Variants in EVI5 observed in about 807,000 individuals in gnomAD.
EVI5 encodes ecotropic viral integration site 5.
In EVI5, 73 loss-of-function variants were observed where a neutral mutation model predicts 112.0. The ratio of observed to expected loss-of-function variants is 0.65; its 90% CI spans 0.54 to 0.79. The LOEUF (loss-of-function observed/expected upper bound fraction) is 0.79, where lower values mean the gene tolerates loss of function less well. Among genes scored for constraint, EVI5 ranks in the 30% least tolerant of loss-of-function variants. The pLI is 0.00. For missense variants in EVI5, 900 were observed against 968.8 expected, an observed-to-expected ratio of 0.93 and a Z score of 0.94; for synonymous variants, 305 against 319.9, an observed-to-expected ratio of 0.95 and a Z score of 0.50.
intron 19 of EVI5, among the ~76,000 whole-genome samples, chr1:92,550,466 G>A (rs1485008199): frequency 1.3e-5 from 2 of 151,534 alleles, no homozygotes; most frequent in African/African-American, 4.9e-5. Context: ...TGCATGTTGT[G>A]CACATGTACC....
intron 18 of EVI5, among the ~76,000 whole-genome samples, chr1:92,585,063 A>C (rs934346798): frequency 3.9e-5 from 6 of 152,024 alleles, no homozygotes; most frequent in Non-Finnish European, 7.4e-5. Context: ...ATCTCTATTG[A>C]AAATTTAAAA....
intron 10 of EVI5, among the ~76,000 whole-genome samples, chr1:92,668,911 C>G (rs1188943412): frequency 6.6e-6 from 1 of 152,120 alleles, no homozygotes; most frequent in Admixed American, 6.5e-5. Flanking sequence ...GTTCCCAAAC[C>G]CCAAATACTA....
chr1:92,745,132 T>C (rs937487104), intron 1 of EVI5, among the ~76,000 whole-genome samples: 2 of 140,692 alleles, frequency 1.4e-5, no homozygotes, highest in African/African-American at 2.7e-5. Flanking sequence ...AGAGACAGGG[T>C]TTCACCATGT....
chr1:92,706,747 A>T (rs778806385), intron 2 of EVI5, among the ~76,000 whole-genome samples: 1 of 152,228 alleles, frequency 6.6e-6, no homozygotes, highest in Non-Finnish European at 1.5e-5. Flanking sequence ...CAATTATACA[A>T]AGCTGTGAGG....
chr1:92,714,571 G>A (rs922645580), intron 2 of EVI5, among the ~76,000 whole-genome samples: 6 of 152,140 alleles, frequency 3.9e-5, no homozygotes. Context: ...CTAAAGCTTA[G>A]TGTTTGTCAT....
At chr1:92,527,525 G>A (rs943238126) in intron 19 of EVI5, among the ~76,000 whole-genome samples, 1 of 151,896 alleles carries the variant, frequency 6.6e-6, no homozygotes, top group African/African-American at 2.4e-5. Flanking sequence ...CAGATTTTAT[G>A]TGTACAAGTT....
chr1:92,624,207 A>G lies in EVI5; in HGVS notation c.1796T>C (p.Ile599Thr), dbSNP rs745612313. The change falls in exon 16 of 20, where the codon ATA (isoleucine) becomes ACA (threonine). Residue 599 changes from isoleucine (I) to threonine (T), a missense_variant. By Grantham distance (89) the Ile-to-Thr change is moderately conservative (BLOSUM62 -1). Coordinates refer to ENST00000684568, the MANE Select transcript of EVI5 (RefSeq NM_001350197.2). ...EAETQAEIRE[I>T]KQRMMEMETQ... ...TTCCATTTCCATCATCCTTTGTTTT[A>G]TTTCTCTTATTTCTGCTTGTGTTTC... 6.2e-7 allele frequency: 1 copy of G among 1,613,482 alleles called. No individual in the cohort carries two copies.
chr1:92,601,892 T>C (rs1008634285), intron 18 of EVI5, among the ~76,000 whole-genome samples: 2 of 152,250 alleles, frequency 1.3e-5, no homozygotes, highest in South Asian at 4.1e-4. Flanking sequence ...TTAAGATGTA[T>C]AGAAATATGG....
At chr1:92,621,860 C>T (rs188993813) in intron 16 of EVI5, among the ~76,000 whole-genome samples, 136 of 152,220 alleles carry the variant, frequency 8.9e-4, no homozygotes, top group East Asian at 3.5e-3. Flanking sequence ...CGGTGGCTCA[C>T]GCCTGTAATC....
At chr1:92,761,372 C>T (rs1040133217) in intron 1 of EVI5, among the ~76,000 whole-genome samples, 4 of 151,972 alleles carry the variant, frequency 2.6e-5, no homozygotes, top group Non-Finnish European at 5.9e-5. Context: ...ATTTGTAACG[C>T]CAAATGCATC....
At chr1:92,522,180 T>G (rs1446081079) in intron 19 of EVI5, among the ~76,000 whole-genome samples, 2 of 152,218 alleles carry the variant, frequency 1.3e-5, no homozygotes, top group African/African-American at 4.8e-5. Context: ...ACAATAGCAC[T>G]GCCATGAACT....
At chr1:92,557,801 T>G (rs1667911801) in intron 19 of EVI5, among the ~76,000 whole-genome samples, 2 of 152,088 alleles carry the variant, frequency 1.3e-5, no homozygotes, top group African/African-American at 2.4e-5. Context: ...CTCTGCTCAC[T>G]GCAACCTCTG....
chr1:92,634,970 A>T (rs926908277), intron 14 of EVI5, among the ~76,000 whole-genome samples: 8 of 152,220 alleles, frequency 5.3e-5, no homozygotes, highest in Non-Finnish European at 1.2e-4. Context: ...CCTGTGTATC[A>T]GCAGCGGAGG....
At chr1:92,644,366 T>G (rs1228103409) in intron 13 of EVI5, among the ~76,000 whole-genome samples, 1 of 152,226 alleles carries the variant, frequency 6.6e-6, no homozygotes, top group South Asian at 2.1e-4. Context: ...GGGCCACACC[T>G]GTAAAAAGTT....
At chr1:92,601,773 T>A (rs888791893) in intron 18 of EVI5, among the ~76,000 whole-genome samples, 1 of 152,230 alleles carries the variant, frequency 6.6e-6, no homozygotes, top group Non-Finnish European at 1.5e-5. Context: ...AAAAATAATG[T>A]AACACATTAC....
chr1:92,510,251 A>G lies in EVI5; in HGVS notation c.*3405T>C, dbSNP rs1423057983. 1 of 152,230 alleles carries G rather than the reference A, an allele frequency of 6.6e-6. No homozygotes were observed. Among genetic ancestry groups the G allele is most frequent in the Non-Finnish European group, 1.5e-5 (1 of 68,042 alleles). 9.4% of individuals were successfully genotyped at this position (152,230 alleles called of 1,614,324 possible). On this transcript the variant is annotated 3_prime_UTR_variant, in exon 20 of 20. Coordinates refer to ENST00000684568, the MANE Select transcript of EVI5 (RefSeq NM_001350197.2). The stretch of plus-strand genomic sequence containing the variant: ...CAAACATGATTCTAGAAAATTTCTT[A>G]TCTTAAAGTCAAACTATAACCTTTA...
At chr1:92,742,476 C>A (rs1678565371) in intron 1 of EVI5, among the ~76,000 whole-genome samples, 1 of 151,826 alleles carries the variant, frequency 6.6e-6, no homozygotes, top group Non-Finnish European at 1.5e-5. Flanking sequence ...AGTTCGAGAC[C>A]AGCCTGGCCA....
intron 2 of EVI5, among the ~76,000 whole-genome samples, chr1:92,705,267 T>C (rs1671786821): frequency 6.6e-6 from 1 of 152,232 alleles, no homozygotes; most frequent in Non-Finnish European, 1.5e-5. Context: ...TATGCAGTGT[T>C]TGTGTAAAAA....
At chr1:92,528,800 G>A (rs528655644) in intron 19 of EVI5, among the ~76,000 whole-genome samples, 3 of 152,292 alleles carry the variant, frequency 2.0e-5, no homozygotes, top group African/African-American at 7.2e-5. Context: ...GAGTGTGGGA[G>A]GAGTAACGAG....
Sources: allele counts gnomAD v4.1 joint callset (sites outside exome capture counted in the v4.1 genomes callset), GRCh38; gene constraint gnomAD v4.1.1; transcripts MANE v1.5; gene names NCBI Gene and HGNC (gene_info 2026-07-23, HGNC 2026-07-21).